Variants in NEMP2 observed in about 807,000 individuals in gnomAD.
NEMP2 encodes nuclear envelope integral membrane protein 2.
Under a neutral mutation model 54.2 loss-of-function variants are expected in NEMP2, and 53 were observed. That is an observed-to-expected ratio of 0.98 (90% CI 0.78 to 1.23). The LOEUF is 1.23. NEMP2 is among the 50% of genes most tolerant of loss of function. NEMP2 has a pLI of 0.00. For missense variants in NEMP2, 455 were observed against 511.3 expected, an observed-to-expected ratio of 0.89 and a Z score of 1.06; for synonymous variants, 197 against 190.3, an observed-to-expected ratio of 1.04 and a Z score of -0.29.
chr2:190,447,143 G>A, the NEMP2 span, among the ~76,000 whole-genome samples: 5 of 151,798 alleles, frequency 3.3e-5, no homozygotes, highest in South Asian at 2.1e-4. The surrounding 1 kb of genome is among the most constrained non-coding windows in gnomAD (Gnocchi z 4.5). Flanking sequence ...AAATATTAGC[G>A]CACTCAAGGT....
upstream of NEMP2, among the ~76,000 whole-genome samples, chr2:190,536,483 G>A (rs1457380724): frequency 6.6e-6 from 1 of 152,190 alleles, no homozygotes; most frequent in African/African-American, 2.4e-5. Flanking sequence ...ATAAAGGAAG[G>A]ATTTGGCTGC....
chr2:190,446,965 G>A, the NEMP2 span, among the ~76,000 whole-genome samples: 1 of 152,198 alleles, frequency 6.6e-6, no homozygotes, highest in East Asian at 1.9e-4. Flanking sequence ...GCCTGGGCCA[G>A]CTGCTGGGAC....
At chr2:190,439,450 T>C in the NEMP2 span, among the ~76,000 whole-genome samples, 1 of 152,210 alleles carries the variant, frequency 6.6e-6, no homozygotes, top group African/African-American at 2.4e-5. The surrounding 1 kb of genome is among the most constrained non-coding windows in gnomAD (Gnocchi z 5.8). Flanking sequence ...AGATAGGTTC[T>C]ATTTTCAAAG....
the NEMP2 span, among the ~76,000 whole-genome samples, chr2:190,644,333 G>A: frequency 1.3e-5 from 2 of 152,168 alleles, no homozygotes; most frequent in African/African-American, 2.4e-5. This position sits in a 1 kb window ranked among gnomAD's most constrained non-coding sequence, Gnocchi z 4.4. Flanking sequence ...CTTCCATCTC[G>A]AATCATCTCA....
chr2:190,453,095 T>C, the NEMP2 span, among the ~76,000 whole-genome samples: 1 of 152,068 alleles, frequency 6.6e-6, no homozygotes, highest in African/African-American at 2.4e-5. Flanking sequence ...AAAAGAAAAA[T>C]GTCAGATGCT....
the NEMP2 span, chr2:190,624,544 A>T: frequency 6.6e-5 from 10 of 152,270 alleles, no homozygotes; most frequent in Non-Finnish European, 1.5e-4. Flanking sequence ...AATAGCCAAG[A>T]TATAGAATCA....
the NEMP2 span, among the ~76,000 whole-genome samples, chr2:190,446,106 A>G: frequency 1.3e-5 from 2 of 152,184 alleles, no homozygotes; most frequent in African/African-American, 2.4e-5. Flanking sequence ...GCACTCTCCA[A>G]AAGTGAATGA....
chr2:190,511,973 T>C (rs1187333667), intron 7 of NEMP2, among the ~76,000 whole-genome samples: 3 of 149,600 alleles, frequency 2.0e-5, no homozygotes, highest in Non-Finnish European at 3.0e-5. Flanking sequence ...TTATATAATA[T>C]ATATTTAAGT....
the NEMP2 span, among the ~76,000 whole-genome samples, chr2:190,466,862 A>T: frequency 1.3e-5 from 2 of 152,218 alleles, no homozygotes; most frequent in African/African-American, 4.8e-5. Context: ...TGGCAATCTG[A>T]GACCTAAGGG....
the NEMP2 span, among the ~76,000 whole-genome samples, chr2:190,616,213 T>TA: frequency 1.3e-5 from 2 of 152,000 alleles, no homozygotes; most frequent in African/African-American, 4.8e-5. The surrounding 1 kb of genome is among the most constrained non-coding windows in gnomAD (Gnocchi z 5.1). Flanking sequence ...ATAAAATACT[T>TA]AGAGAAAAAC....
the NEMP2 span, among the ~76,000 whole-genome samples, chr2:190,427,033 C>T: frequency 6.6e-6 from 1 of 152,226 alleles, no homozygotes; most frequent in Non-Finnish European, 1.5e-5. Flanking sequence ...GGCCTCCTCA[C>T]ATGGCCTTCA....
the NEMP2 span, chr2:190,469,641 A>G: frequency 2.0e-6 from 1 of 490,208 alleles, no homozygotes; most frequent in Non-Finnish European, 3.1e-6. This position sits in a 1 kb window ranked among gnomAD's most constrained non-coding sequence, Gnocchi z 5.3. Flanking sequence ...TGGTTTGGGG[A>G]AGGAAAAGGT....
chr2:190,517,568 T>G lies in NEMP2; in HGVS notation c.564A>C (p.Leu188=). The change falls in exon 5 of 9, where the codon CTA becomes CTC. Residue 188 remains leucine (L), a synonymous_variant. Coordinates refer to ENST00000409150, the MANE Select transcript of NEMP2 (RefSeq NM_001142645.2). ...YYSSGTVLGV[L]MTLVFVLLLV... ...ACAGCAAGACAAAGACTAATGTCAT[T>G]AGAACACCTAGCACAGTTCCCGAGG... 1 of 1,551,152 alleles carries G rather than the reference T, an allele frequency of 6.4e-7. No homozygotes were observed. Among genetic ancestry groups the G allele is most frequent in the South Asian group, 1.2e-5 (1 of 83,862 alleles).
At chr2:190,540,572 T>C in the NEMP2 span, among the ~76,000 whole-genome samples, 13 of 152,342 alleles carry the variant, frequency 8.5e-5, no homozygotes, top group East Asian at 9.6e-4. Context: ...ATTACAGGCA[T>C]GAGCCAGCAT....
chr2:190,577,960 A>G, the NEMP2 span, among the ~76,000 whole-genome samples: 2 of 152,232 alleles, frequency 1.3e-5, no homozygotes, highest in Non-Finnish European at 2.9e-5. This position sits in a 1 kb window ranked among gnomAD's most constrained non-coding sequence, Gnocchi z 4.8. Context: ...AATACATTCT[A>G]TATTTTATTG....
At chr2:190,441,018 A>T in the NEMP2 span, among the ~76,000 whole-genome samples, 1 of 152,214 alleles carries the variant, frequency 6.6e-6, no homozygotes, top group African/African-American at 2.4e-5. Context: ...AGTAAGTATT[A>T]TAAGAGGGAA....
At chr2:190,479,363 A>G in the NEMP2 span, among the ~76,000 whole-genome samples, 6 of 152,202 alleles carry the variant, frequency 3.9e-5, no homozygotes, top group Non-Finnish European at 7.3e-5. Context: ...TTTCCTACCT[A>G]TAAGAAATCT....
chr2:190,464,811 A>C, the NEMP2 span: 1 of 631,358 alleles, frequency 1.6e-6, no homozygotes. Flanking sequence ...TTTCCTCTTC[A>C]TTTTTACTCC....
At chr2:190,644,457 G>T in the NEMP2 span, among the ~76,000 whole-genome samples, 1 of 152,214 alleles carries the variant, frequency 6.6e-6, no homozygotes, top group Admixed American at 6.5e-5. The surrounding 1 kb of genome is among the most constrained non-coding windows in gnomAD (Gnocchi z 4.4). Context: ...ACTGTATATT[G>T]TCAGTGGCAT....
Sources: allele counts gnomAD v4.1 joint callset (sites outside exome capture counted in the v4.1 genomes callset), GRCh38; gene constraint gnomAD v4.1.1; non-coding constraint Gnocchi (gnomAD v3.1); transcripts MANE v1.5; gene names NCBI Gene and HGNC (gene_info 2026-07-23, HGNC 2026-07-21).